The following GRIP1 variants were observed in gnomAD, a reference collection of about 807,000 sequenced individuals.
GRIP1 encodes the protein glutamate receptor-interacting protein 1.
A neutral mutation model predicts 129.9 loss-of-function variants in GRIP1; 45 were observed. That is an observed-to-expected ratio of 0.35 (90% CI 0.27 to 0.44). The LOEUF is 0.44. Among genes scored for constraint, GRIP1 ranks in the 20% least tolerant of loss-of-function variants. GRIP1 has a pLI of 1.00. For synonymous variants in GRIP1, 530 were observed against 520.8 expected (o/e 1.02, Z -0.24); for missense variants, 1,196 against 1,396.8 (o/e 0.86, Z 2.29).
chr12:66,458,731 T>C (rs913409723), intron 9 of GRIP1, among the ~76,000 whole-genome samples: 2 of 152,214 alleles, frequency 1.3e-5, no homozygotes, highest in Non-Finnish European at 2.9e-5. Context: ...CCCCTGCCTA[T>C]CTCTCTAGTT....
At chr12:66,963,795 A>C (rs2041957340) in intron 1 of GRIP1, among the ~76,000 whole-genome samples, 1 of 152,136 alleles carries the variant, frequency 6.6e-6, no homozygotes, top group Non-Finnish European at 1.5e-5. Context: ...CTCAGTCACC[A>C]CCAAGTAGAC....
chr12:66,933,723 T>C (rs1365407958), intron 1 of GRIP1, among the ~76,000 whole-genome samples: 1 of 152,168 alleles, frequency 6.6e-6, no homozygotes, highest in Non-Finnish European at 1.5e-5. Flanking sequence ...ACATATATAG[T>C]ACAATAATGT....
At chr12:66,517,418 A>G (rs930046066) in intron 6 of GRIP1, among the ~76,000 whole-genome samples, 14 of 152,356 alleles carry the variant, frequency 9.2e-5, no homozygotes, top group African/African-American at 3.4e-4. Context: ...TGACCTACAC[A>G]GTCACTATCA....
intron 7 of GRIP1, among the ~76,000 whole-genome samples, chr12:66,513,423 A>T (rs765681344): frequency 4.6e-5 from 7 of 152,080 alleles, no homozygotes; most frequent in Non-Finnish European, 1.0e-4. Flanking sequence ...GGGAGAAATG[A>T]CATATTTTAG....
intron 1 of GRIP1, among the ~76,000 whole-genome samples, chr12:66,696,132 C>G (rs1592751415): frequency 6.6e-6 from 1 of 151,946 alleles, no homozygotes; most frequent in Non-Finnish European, 1.5e-5. Flanking sequence ...TCTCAAAACC[C>G]CATTTTTTTT....
chr12:66,488,064 G>T (rs956499422), intron 7 of GRIP1, among the ~76,000 whole-genome samples: 1 of 152,166 alleles, frequency 6.6e-6, no homozygotes, highest in Non-Finnish European at 1.5e-5. Context: ...ATATTGGACA[G>T]ATCATTGAGA....
chr12:66,472,239 T>G (rs1479674653), intron 7 of GRIP1, among the ~76,000 whole-genome samples: 1 of 152,188 alleles, frequency 6.6e-6, no homozygotes, highest in Non-Finnish European at 1.5e-5. Context: ...CTATATTTAC[T>G]AACTGCCAAC....
chr12:66,363,573 GT>G (rs2054941468), intron 23 of GRIP1, among the ~76,000 whole-genome samples: 2 of 151,678 alleles, frequency 1.3e-5, no homozygotes, highest in Non-Finnish European at 2.9e-5. Context: ...CTTTAAACAA[GT>G]TTTGCCATCC....
At chr12:66,490,027 T>C (rs2060063519) in intron 7 of GRIP1, among the ~76,000 whole-genome samples, 1 of 152,082 alleles carries the variant, frequency 6.6e-6, no homozygotes, top group African/African-American at 2.4e-5. Context: ...ATAGGAAGAA[T>C]CAATATTGTG....
chr12:66,888,863 TAAATAAATAA>T (rs1485490270), intron 1 of GRIP1, among the ~76,000 whole-genome samples: 2 of 152,212 alleles, frequency 1.3e-5, no homozygotes, highest in Non-Finnish European at 2.9e-5. Context: ...TATCATTGAA[TAAATAAATAA>T]AAATAAATAA....
rs531451178 is a variant in GRIP1, at chr12:66,625,470, A to G, written c.56-28543T>C. On this transcript the variant is annotated intron_variant, in intron 1 of 24. Coordinates refer to ENST00000359742, the MANE Select transcript of GRIP1 (RefSeq NM_001366722.1). Reference sequence around the variant, plus strand: ...ACATCAATTTTTAAAGGGACTCAATAAAGTAATAAAATTTACACATTTATA... The same window carrying G: ...ACATCAATTTTTAAAGGGACTCAATGAAGTAATAAAATTTACACATTTATA... Among the ~76,000 whole-genome samples, 3 of 152,326 alleles carry G rather than the reference A, an allele frequency of 2.0e-5. No homozygotes were observed. In the East Asian group the frequency reaches 5.8e-4, roughly 29 times the overall value.
chr12:67,039,627 G>C (rs2043146928), intron 1 of GRIP1, among the ~76,000 whole-genome samples: 1 of 152,136 alleles, frequency 6.6e-6, no homozygotes, highest in Middle Eastern at 3.2e-3. Context: ...GAATTCAAAA[G>C]AGTCTCATAA....
intron 1 of GRIP1, among the ~76,000 whole-genome samples, chr12:66,634,174 AT>A (rs1266385536): frequency 2.6e-5 from 4 of 152,220 alleles, no homozygotes; most frequent in African/African-American, 9.6e-5. Flanking sequence ...AAGATTTCCC[AT>A]ACATTTCCAA....
At chr12:66,985,679 G>A (rs528968980) in intron 1 of GRIP1, among the ~76,000 whole-genome samples, 1 of 152,246 alleles carries the variant, frequency 6.6e-6, no homozygotes, top group African/African-American at 2.4e-5. Context: ...GTGGAAAAAT[G>A]AGCACTGCCA....
At position 66,821,708 on chromosome 12, in the gene GRIP1, G is replaced by A. The variant is rs2039322115; in HGVS notation, c.59-224781C>T. Among the ~76,000 whole-genome samples, 4 of 152,284 alleles carry A rather than the reference G, an allele frequency of 2.6e-5. No homozygotes were observed. In the South Asian group the frequency reaches 8.3e-4, roughly 32 times the overall value. On this transcript the variant is annotated intron_variant, in intron 1 of 1. Transcript: ENST00000643019. ...CTGGGTTTTGGAAACAAACCATTGA[G>A]ATCACCAGCAACTCCTTTCTTAAGT...
intron 1 of GRIP1, among the ~76,000 whole-genome samples, chr12:66,745,349 A>T (rs1422962954): frequency 2.0e-5 from 3 of 152,206 alleles, no homozygotes; most frequent in Non-Finnish European, 4.4e-5. Flanking sequence ...CAAGGTACAT[A>T]GAGTAAATAA....
At chr12:66,482,206 A>G (rs139768398) in intron 7 of GRIP1, among the ~76,000 whole-genome samples, 26 of 152,322 alleles carry the variant, frequency 1.7e-4, no homozygotes, top group African/African-American at 6.0e-4. Context: ...CTCCCTGTCC[A>G]TAAGGGCTAT....
chr12:66,590,800 G>A (rs1750354585), intron 2 of GRIP1, among the ~76,000 whole-genome samples: 2 of 152,190 alleles, frequency 1.3e-5, no homozygotes. Context: ...TGGGCAGCAG[G>A]CATTTTGTTG....
In GRIP1 at chr12:66,839,583, G is replaced by A. The variant is rs866731064; in HGVS notation, c.58+229467C>T. ...AATTCCACTCAGTCAACTGAGTTTC[G>A]GCAGCTGTGTAGCATGAAAAACAAT... On this transcript the variant is annotated intron_variant, in intron 1 of 1. Coordinates refer to the GRIP1 transcript ENST00000643019. Among the ~76,000 whole-genome samples the A allele has an allele frequency of 3.3e-5, 5 of 152,052 alleles. No homozygotes were observed. In the South Asian group the frequency reaches 8.3e-4, roughly 25 times the overall value.
Sources: allele counts gnomAD v4.1 joint callset (sites outside exome capture counted in the v4.1 genomes callset), GRCh38; gene constraint gnomAD v4.1.1; transcripts MANE v1.5; gene names NCBI Gene and HGNC (gene_info 2026-07-23, HGNC 2026-07-21).